CCSER1: variants seen among roughly 807,000 people sequenced by gnomAD.
The protein encoded by CCSER1 is serine-rich coiled-coil domain-containing protein 1.
CCSER1 carries 41 observed loss-of-function variants against 82.0 expected under a neutral mutation model. The ratio of observed to expected loss-of-function variants is 0.50; its 90% CI spans 0.39 to 0.65. The LOEUF is 0.65. Ranked by LOEUF, CCSER1 falls within the 30% of genes least tolerant of loss-of-function variation. The pLI, the probability that CCSER1 is intolerant of heterozygous loss-of-function variation, is 0.00. For synonymous variants in CCSER1, 414 were observed against 383.9 expected (o/e 1.08, Z -0.92); for missense variants, 1,119 against 1,064.2 (o/e 1.05, Z -0.72).
At position 91,054,361 on chromosome 4, in the gene CCSER1, ACTT is replaced by A. The variant is rs540288141; in HGVS notation, c.2173-31583_2173-31581del. Among the ~76,000 whole-genome samples, 422 of 152,148 alleles carry A rather than the reference ACTT, an allele frequency of 2.8e-3. 1 individual carries two copies. Among genetic ancestry groups the A allele is most frequent in the African/African-American group, 9.5e-3 (395 of 41,512 alleles). ...TAAATCAACATCTTTTCAGCTTAGC[ACTT>A]CTTCTATTATTTACCTAGTTTTCAT... On this transcript the variant is annotated intron_variant, in intron 9 of 10. Transcript: ENST00000509176.
intron 5 of CCSER1, among the ~76,000 whole-genome samples, chr4:90,488,187 AT>A (rs1265202668): frequency 6.6e-6 from 1 of 151,582 alleles, no homozygotes; most frequent in Non-Finnish European, 1.5e-5. Context: ...ATTTTATTTT[AT>A]TTATTTATTT....
At chr4:90,807,774 G>A (rs1463503686) in intron 7 of CCSER1, among the ~76,000 whole-genome samples, 1 of 151,934 alleles carries the variant, frequency 6.6e-6, no homozygotes, top group East Asian at 1.9e-4. Context: ...CTATGCTTAA[G>A]CTCATGGACT....
chr4:91,585,064 C>T (rs940172891), intron 10 of CCSER1, among the ~76,000 whole-genome samples: 1 of 151,470 alleles, frequency 6.6e-6, no homozygotes, highest in Admixed American at 6.6e-5. Context: ...TAAAATTTCA[C>T]TCTTTAAATT....
intron 9 of CCSER1, among the ~76,000 whole-genome samples, chr4:91,057,854 T>G (rs965912793): frequency 6.6e-6 from 1 of 152,170 alleles, no homozygotes; most frequent in African/African-American, 2.4e-5. Flanking sequence ...CCTCAAACAG[T>G]TCTGTGTGCA....
At chr4:90,197,228 G>T (rs959383506) in intron 1 of CCSER1, among the ~76,000 whole-genome samples, 1 of 152,114 alleles carries the variant, frequency 6.6e-6, no homozygotes, top group African/African-American at 2.4e-5. Flanking sequence ...ATAGGTTAAG[G>T]TATGGTAGAA....
At chr4:90,976,295 A>G (rs1735608560) in intron 9 of CCSER1, among the ~76,000 whole-genome samples, 1 of 151,344 alleles carries the variant, frequency 6.6e-6, no homozygotes, top group African/African-American at 2.4e-5. Flanking sequence ...ACAAAATCAA[A>G]ATACAACTCA....
At chr4:91,260,670 T>C (rs1312652796) in intron 10 of CCSER1, among the ~76,000 whole-genome samples, 1 of 152,216 alleles carries the variant, frequency 6.6e-6, no homozygotes, top group Non-Finnish European at 1.5e-5. Context: ...TAAAGAGTGA[T>C]ATACACTTTA....
chr4:91,226,500 C>G (rs1441698825), intron 10 of CCSER1, among the ~76,000 whole-genome samples: 1 of 151,658 alleles, frequency 6.6e-6, no homozygotes, highest in African/African-American at 2.4e-5. Flanking sequence ...AATTTTATAG[C>G]GTTTAATATA....
At position 91,013,548 on chromosome 4, in the gene CCSER1, A is replaced by ATAT. The variant is rs1554056781; in HGVS notation, c.2173-72401_2173-72400insATT. 6.4e-5 allele frequency among the ~76,000 whole-genome samples: 8 copies of ATAT among 125,452 alleles called. 1 individual carries two copies. The highest frequency in any genetic ancestry group is 2.6e-4 in the East Asian group (1 of 3,836). 82.3% of individuals were successfully genotyped at this position (125,452 alleles called of 152,430 possible). On this transcript the variant is annotated intron_variant, in intron 9 of 10. Transcript: ENST00000509176. ...TTTCTCAAGACATATATATATATAT[A>ATAT]TTTTTTTGCTAGTCTGTCTGTTTCC...
At chr4:90,407,782 T>G (rs1211425341) in intron 4 of CCSER1, among the ~76,000 whole-genome samples, 1 of 152,000 alleles carries the variant, frequency 6.6e-6, no homozygotes, top group Non-Finnish European at 1.5e-5. Context: ...TGCTGGACAG[T>G]GGGTGCAGGA....
chr4:90,951,084 A>G (rs1732861356), intron 9 of CCSER1: 1 of 152,122 alleles, frequency 6.6e-6, no homozygotes, highest in Non-Finnish European at 1.5e-5. Flanking sequence ...AATTTATCTC[A>G]CTAACAAATA....
intron 6 of CCSER1, among the ~76,000 whole-genome samples, chr4:90,709,434 G>A (rs1057074823): frequency 3.3e-5 from 5 of 151,746 alleles, no homozygotes; most frequent in South Asian, 2.1e-4. Context: ...CTCTCTTCCC[G>A]CTCAAACCCC....
intron 9 of CCSER1, among the ~76,000 whole-genome samples, chr4:91,061,623 A>G (rs983329500): frequency 3.9e-5 from 6 of 152,056 alleles, no homozygotes; most frequent in Non-Finnish European, 2.9e-5. Context: ...CGATTGCCCA[A>G]ATTTAGTCTC....
intron 9 of CCSER1, among the ~76,000 whole-genome samples, chr4:91,081,264 C>T (rs879388766): frequency 3.9e-5 from 6 of 152,062 alleles, no homozygotes; most frequent in African/African-American, 7.2e-5. Flanking sequence ...ATATGCAAAT[C>T]GATAAACGTA....
At chr4:90,818,244 T>A (rs1448010307) in intron 8 of CCSER1, among the ~76,000 whole-genome samples, 1 of 151,494 alleles carries the variant, frequency 6.6e-6, no homozygotes, top group Non-Finnish European at 1.5e-5. Flanking sequence ...AGAATGGGTC[T>A]AGAAAAAAAG....
intron 1 of CCSER1, among the ~76,000 whole-genome samples, chr4:90,238,855 ATT>A (rs1460989618): frequency 6.8e-6 from 1 of 146,304 alleles, no homozygotes. Context: ...TCTAGCATTA[ATT>A]TTTTTTTTTT....
chr4:91,180,396 C>A (rs1379922924), intron 10 of CCSER1, among the ~76,000 whole-genome samples: 1 of 152,212 alleles, frequency 6.6e-6, no homozygotes, highest in Admixed American at 6.5e-5. Flanking sequence ...CAGTTATGTC[C>A]TGCCCCCAGA....
intron 5 of CCSER1, among the ~76,000 whole-genome samples, chr4:90,472,788 G>C (rs1458200453): frequency 6.6e-6 from 1 of 152,090 alleles, no homozygotes; most frequent in Non-Finnish European, 1.5e-5. Flanking sequence ...GAGAGTGACT[G>C]TTCACAATAG....
At chr4:90,983,640 A>G (rs1428714205) in intron 9 of CCSER1, among the ~76,000 whole-genome samples, 1 of 151,796 alleles carries the variant, frequency 6.6e-6, no homozygotes, top group Non-Finnish European at 1.5e-5. Flanking sequence ...TAAGGAAAAA[A>G]ATAACTTACA....
Sources: allele counts gnomAD v4.1 joint callset (sites outside exome capture counted in the v4.1 genomes callset), GRCh38; gene constraint gnomAD v4.1.1; transcripts MANE v1.5; gene names NCBI Gene and HGNC (gene_info 2026-07-23, HGNC 2026-07-21).